TCEANC2: variants seen among roughly 807,000 people sequenced by gnomAD.
TCEANC2 encodes transcription elongation factor A N-terminal and central domain-containing protein 2.
Under a neutral mutation model 22.8 loss-of-function variants are expected in TCEANC2, and 20 were observed. That is an observed-to-expected ratio of 0.88 (90% CI 0.62 to 1.28). The LOEUF (loss-of-function observed/expected upper bound fraction) is 1.28. TCEANC2 is among the 50% of genes most tolerant of loss of function. The probability of loss-of-function intolerance (pLI) is 0.00; values close to 1 mark genes in which losing one functional copy is unlikely to be tolerated. For missense variants in TCEANC2, 251 were observed against 249.7 expected, an observed-to-expected ratio of 1.01 and a Z score of -0.03; for synonymous variants, 84 against 95.5, an observed-to-expected ratio of 0.88 and a Z score of 0.70.
chr1:54,070,195 A>C (rs1440016919), intron 3 of TCEANC2, among the ~76,000 whole-genome samples: 1 of 152,182 alleles, frequency 6.6e-6, no homozygotes, highest in Non-Finnish European at 1.5e-5. Context: ...GTAGCCAAGG[A>C]GATTCTCCCA....
rs190204651 is a variant in TCEANC2 at position 54,058,171 on chromosome 1, C to G, written c.102+3647C>G. 9.5e-4 allele frequency among the ~76,000 whole-genome samples: 145 copies of G among 152,292 alleles called. 1 individual carries two copies. Among genetic ancestry groups the G allele is most frequent in the Non-Finnish European group, 1.6e-3 (106 of 68,014 alleles). ...TGTTTGGTACAGAGTCTGGCCAATACTAAGTACTTTGTAAGTCTTTGCTAT... is the reference window on the plus strand; with the variant it reads ...TGTTTGGTACAGAGTCTGGCCAATAGTAAGTACTTTGTAAGTCTTTGCTAT... On this transcript the variant is annotated intron_variant, in intron 2 of 4. Coordinates refer to ENST00000234827, the MANE Select transcript of TCEANC2 (RefSeq NM_153035.3).
intron 4 of TCEANC2, among the ~76,000 whole-genome samples, chr1:54,095,067 C>A (rs1338666324): frequency 1.3e-5 from 2 of 152,164 alleles, no homozygotes; most frequent in Non-Finnish European, 2.9e-5. Flanking sequence ...ATCACTTGAG[C>A]CCATGAGTTT....
At chr1:54,082,195 A>C (rs953156670) in intron 3 of TCEANC2, among the ~76,000 whole-genome samples, 2 of 152,232 alleles carry the variant, frequency 1.3e-5, no homozygotes, top group South Asian at 2.1e-4. Flanking sequence ...TCATTGTTAT[A>C]AAAATTAAAT....
chr1:54,079,791 C>T (rs1375426515), intron 3 of TCEANC2, among the ~76,000 whole-genome samples: 1 of 152,166 alleles, frequency 6.6e-6, no homozygotes, highest in African/African-American at 2.4e-5. Flanking sequence ...AGGATTAGGG[C>T]ATAGTCATTA....
chr1:54,066,007 A>G (rs913647239), intron 2 of TCEANC2, among the ~76,000 whole-genome samples: 1 of 149,732 alleles, frequency 6.7e-6, no homozygotes, highest in Non-Finnish European at 1.5e-5. Context: ...GTTGGGGGAG[A>G]GGGGGGCGGA....
At chr1:54,059,208 A>G (rs1007623019) in intron 2 of TCEANC2, among the ~76,000 whole-genome samples, 1 of 148,056 alleles carries the variant, frequency 6.8e-6, no homozygotes, top group African/African-American at 2.5e-5. Context: ...GCTAGAGTGC[A>G]GTGGCATGAT....
chr1:54,108,768 T>C (rs578250959), downstream of TCEANC2, among the ~76,000 whole-genome samples: 2 of 152,030 alleles, frequency 1.3e-5, no homozygotes, highest in East Asian at 1.9e-4. Context: ...GTCAGGAGAT[T>C]GGGACCATCC....
chr1:54,085,136 A>T (rs1350148065), intron 3 of TCEANC2, among the ~76,000 whole-genome samples: 1 of 152,164 alleles, frequency 6.6e-6, no homozygotes, highest in East Asian at 1.9e-4. Flanking sequence ...TTAGAGGGAG[A>T]AGTTAAAGAC....
At chr1:54,054,667 C>A in intron 2 of TCEANC2, 143 bp downstream of exon 2, 1 of 804,922 alleles carries the variant, frequency 1.2e-6, no homozygotes, top group Non-Finnish European at 1.9e-6. Context: ...TCCTTTGTTT[C>A]GCCCATAGCT....
chr1:54,063,532 T>C (rs1657895132), intron 2 of TCEANC2, among the ~76,000 whole-genome samples: 1 of 152,196 alleles, frequency 6.6e-6, no homozygotes, highest in Non-Finnish European at 1.5e-5. Flanking sequence ...ATTTCTAGAT[T>C]ACTATACAGG....
At chr1:54,108,897 G>A (rs1412654278), downstream of TCEANC2, among the ~76,000 whole-genome samples, 2 of 152,098 alleles carry the variant, frequency 1.3e-5, no homozygotes, top group Admixed American at 6.5e-5. Flanking sequence ...GTGTGAACCC[G>A]GGTGGCGGGG....
At chr1:54,067,914 C>T (rs1657987223) in intron 2 of TCEANC2, among the ~76,000 whole-genome samples, 1 of 152,154 alleles carries the variant, frequency 6.6e-6, no homozygotes, top group Non-Finnish European at 1.5e-5. Context: ...TAATAACAAT[C>T]CAAGATGAGA....
Position 54,096,059 on chromosome 1 carries a change from C to G in TCEANC2, c.439-226C>G, listed in dbSNP as rs746612772. On this transcript the variant is annotated intron_variant, in intron 4 of 4. Coordinates refer to ENST00000234827, the MANE Select transcript of TCEANC2 (RefSeq NM_153035.3). This position sits in a 1 kb window ranked among gnomAD's most constrained non-coding sequence, Gnocchi z 4.9. ...AGGCCAGTTTCCTGTTATATTACCA[C>G]CCGGCAGGGGTTGTGAATGAGGTCC... 1.3e-5 allele frequency among the ~76,000 whole-genome samples: 2 copies of G among 152,174 alleles called. No homozygotes were observed. The highest frequency in any genetic ancestry group is 4.8e-5 in the African/African-American group (2 of 41,454).
intron 4 of TCEANC2, among the ~76,000 whole-genome samples, chr1:54,093,049 A>G (rs1345523425): frequency 6.6e-6 from 1 of 152,232 alleles, no homozygotes; most frequent in Non-Finnish European, 1.5e-5. Flanking sequence ...TGTGTAGCAT[A>G]GGAGGAGAGA....
chr1:54,092,519 G>A (rs1570022665), intron 4 of TCEANC2, among the ~76,000 whole-genome samples: 1 of 152,172 alleles, frequency 6.6e-6, no homozygotes, highest in African/African-American at 2.4e-5. Context: ...AGAAAGAAGG[G>A]TTACACATGG....
At chr1:54,107,247 GT>G (rs1658773155), downstream of TCEANC2, among the ~76,000 whole-genome samples, 1 of 152,104 alleles carries the variant, frequency 6.6e-6, no homozygotes. Flanking sequence ...CTCAATTTGG[GT>G]TTGTCTGAGG....
At position 54,090,014 on chromosome 1, in the gene TCEANC2, G is replaced by A. The variant is rs1039813783; in HGVS notation, c.438+1224G>A. On this transcript the variant is annotated intron_variant, in intron 4 of 4. Transcript: ENST00000234827. The stretch of plus-strand genomic sequence containing the variant: ...GAACCACTTTCTGTATTGCTATATG[G>A]ACATAGGTAGCAACACAAATCAGAA... 8 of 676,478 alleles carry A rather than the reference G, an allele frequency of 1.2e-5. No homozygotes were observed. The South Asian group carries it at 1.3e-4, about 11-fold the overall frequency. 41.9% of individuals were successfully genotyped at this position (676,478 alleles called of 1,614,324 possible).
At chr1:54,112,442 G>T (rs1325229967) in exon 5 of TCEANC2, 1 of 152,100 alleles carries the variant, frequency 6.6e-6, no homozygotes, top group Non-Finnish European at 1.5e-5. Context: ...TAACTGCCAA[G>T]ACTATGCTCA....
At chr1:54,076,028 CA>C (rs540752255) in intron 3 of TCEANC2, among the ~76,000 whole-genome samples, 523 of 123,484 alleles carry the variant, frequency 4.2e-3, no homozygotes, top group Middle Eastern at 8.3e-3. Context: ...AACTTGTCTC[CA>C]AAAAAAAAAA....
Sources: gnomAD v4.1 joint callset for allele counts (sites outside exome capture counted in the v4.1 genomes callset) on GRCh38, gnomAD v4.1.1 for gene constraint, Gnocchi (gnomAD v3.1) non-coding constraint, MANE v1.5 for transcripts, NCBI Gene and HGNC (gene_info 2026-07-23, HGNC 2026-07-21) for gene names.